IMMT: variants seen among roughly 807,000 people sequenced by gnomAD.
IMMT encodes the protein inner membrane mitochondrial protein, also known as MICOS complex subunit MIC60.
In IMMT, 40 loss-of-function variants were observed where a neutral mutation model predicts 92.7. That is an observed-to-expected ratio of 0.43 (90% CI 0.34 to 0.56). IMMT has a LOEUF of 0.56. Ranked by LOEUF, IMMT falls within the 20% of genes least tolerant of loss-of-function variation. IMMT has a pLI of 0.03. For synonymous variants in IMMT, 322 were observed against 336.1 expected, an observed-to-expected ratio of 0.96 and a Z score of 0.46; for missense variants, 831 against 912.1, an observed-to-expected ratio of 0.91 and a Z score of 1.14.
intron 10 of IMMT, among the ~76,000 whole-genome samples, chr2:86,156,030 A>C (rs1014679117): frequency 1.3e-4 from 20 of 152,212 alleles, no homozygotes; most frequent in Non-Finnish European, 2.4e-4. Flanking sequence ...AGATTGCTTC[A>C]CAAGGGACCT....
intron 9 of IMMT, chr2:86,159,230 C>T (rs1044608557): frequency 2.0e-4 from 74 of 378,180 alleles, no homozygotes; most frequent in Non-Finnish European, 3.5e-4. Flanking sequence ...GGACTACAGG[C>T]GCACACCACC....
At chr2:86,149,599 C>CG (rs1266787134) in intron 12 of IMMT, among the ~76,000 whole-genome samples, 1 of 152,088 alleles carries the variant, frequency 6.6e-6, no homozygotes, top group African/African-American at 2.4e-5. Context: ...TGGGGAAGGC[C>CG]GGGCATGGTA....
intron 1 of IMMT, among the ~76,000 whole-genome samples, chr2:86,183,907 T>C (rs1198471113): frequency 2.0e-5 from 3 of 152,222 alleles, no homozygotes; most frequent in African/African-American, 4.8e-5. Context: ...CCAGCCCCTA[T>C]TGAGGGACAC....
intron 6 of IMMT, among the ~76,000 whole-genome samples, chr2:86,167,333 A>G (rs1300669508): frequency 1.3e-5 from 2 of 148,806 alleles, no homozygotes; most frequent in Non-Finnish European, 1.5e-5. Flanking sequence ...CACCACGCCC[A>G]GCTAATTTTT....
At chr2:86,158,828 T>C in intron 9 of IMMT, 107 bp from the exon 10 acceptor site, 1 of 928,576 alleles carries the variant, frequency 1.1e-6, no homozygotes, top group South Asian at 1.7e-5. Context: ...GTTGGAAATG[T>C]GTAAGGAAAT....
rs531352460 is a variant in IMMT, at chr2:86,183,876, T to G, written c.46-2504A>C. 5.9e-5 allele frequency among the ~76,000 whole-genome samples: 9 copies of G among 152,348 alleles called. No homozygotes were observed. In the South Asian group the frequency reaches 8.3e-4, roughly 14 times the overall value. On this transcript the variant is annotated intron_variant, in intron 1 of 14. Coordinates refer to ENST00000410111, the MANE Select transcript of IMMT (RefSeq NM_006839.3). ...ATTTCATGATTTGGTATTCCATTGT[T>G]ACTTAATGTTTAATTGTTAACCAGC...
At chr2:86,155,366 C>T (rs1276053520) in intron 10 of IMMT, among the ~76,000 whole-genome samples, 1 of 67,192 alleles carries the variant, frequency 1.5e-5, no homozygotes, top group African/African-American at 6.4e-5. Flanking sequence ...TGATACAAAT[C>T]ATTTAGGCAG....
intron 1 of IMMT, among the ~76,000 whole-genome samples, chr2:86,186,038 T>G (rs1268960699): frequency 6.6e-6 from 1 of 152,224 alleles, no homozygotes; most frequent in Non-Finnish European, 1.5e-5. Context: ...CTAGAGTGAT[T>G]ATCCTGTGTC....
chr2:86,185,074 G>C (rs997552825), intron 1 of IMMT, among the ~76,000 whole-genome samples: 5 of 152,010 alleles, frequency 3.3e-5, no homozygotes, highest in Admixed American at 3.3e-4. Context: ...TGTAGTCCCA[G>C]CTACTCGGGA....
rs1675451019 is a variant in IMMT, at chr2:86,151,236, C to G, written c.1401+61G>C. 4 of 1,381,152 alleles carry G rather than the reference C, an allele frequency of 2.9e-6. No homozygotes were observed. The African/African-American group carries it at 4.3e-5, about 15-fold the overall frequency. The allele number at this position is 1,381,152 out of a possible 1,614,324, so 85.6% of individuals were successfully genotyped here. A position where few individuals can be genotyped will look rare whatever the true frequency, so the allele number is the denominator to read the frequency against. On this transcript the variant is annotated intron_variant, in intron 12 of 14. Transcript: ENST00000410111. ...CCCGGCTGAGCCAGTATTATTTCTA[C>G]AAGTAAACAATCAAGTTAGAGTCAC... is the stretch of plus-strand genomic sequence containing the variant.
intron 13 of IMMT, among the ~76,000 whole-genome samples, chr2:86,146,844 T>C (rs1675055521): frequency 1.3e-5 from 2 of 152,158 alleles, no homozygotes; most frequent in Non-Finnish European, 2.9e-5. Flanking sequence ...CACTGCAACC[T>C]CCACCTCCCA....
In IMMT at chr2:86,179,450, G is replaced by C. The variant is rs1483544785; in HGVS notation, c.292C>G (p.Pro98Ala). Residue 98 changes from proline (P) to alanine (A), a missense_variant, in exon 3 of 15, where the codon CCA becomes GCA. Physicochemically the swap from Pro to Ala is conservative, Grantham distance 27 (BLOSUM62 -1). Transcript: ENST00000410111. ...MVLGPAAYNV[P>A]LPKKSIQSGP... The stretch of plus-strand genomic sequence containing the variant: ...ACTCTTACCGATTTCTTTGGCAATG[G>C]AACATTATAAGCTGCAGGACCAAGA... 2.5e-6 allele frequency: 4 copies of C among 1,591,816 alleles called. No individual in the cohort carries two copies. In the South Asian group the frequency reaches 3.5e-5, roughly 14 times the overall value.
intron 10 of IMMT, among the ~76,000 whole-genome samples, chr2:86,156,852 G>A (rs752686596): frequency 5.3e-5 from 8 of 152,044 alleles, no homozygotes; most frequent in Non-Finnish European, 1.2e-4. Context: ...TCAAATTTAT[G>A]CCAAGGAGCT....
chr2:86,182,706 T>A lies in IMMT; in HGVS notation c.46-1334A>T, dbSNP rs372461852. Among the ~76,000 whole-genome samples, 15 of 151,994 alleles carry A rather than the reference T, an allele frequency of 9.9e-5. No individual in the cohort carries two copies. The East Asian group carries it at 1.9e-3, about 20-fold the overall frequency. ...CTACAAATACAAAAATTAGCCAGGT[T>A]TGGTGGCATGTGCCTATAGTCCCAG... On this transcript the variant is annotated intron_variant, in intron 1 of 14. Coordinates refer to ENST00000410111, the MANE Select transcript of IMMT (RefSeq NM_006839.3).
rs1223804917 is a variant in IMMT at position 86,170,753 on chromosome 2, A to G, written c.651T>C (p.Ile217=). The G allele has an allele frequency of 3.2e-6, 5 of 1,572,156 alleles. No homozygotes were observed. The African/African-American group carries it at 6.7e-5, about 21-fold the overall frequency. The change falls in exon 6 of 15, where the codon ATT becomes ATC. Residue 217 remains isoleucine, a synonymous_variant. Coordinates refer to ENST00000410111, the MANE Select transcript of IMMT (RefSeq NM_006839.3). ...GAAGCTGTCTGGTTTACATACACTCAATTTTAACTTGTTCTTGTTTTTCCT... is the reference window on the plus strand; with the variant it reads ...GAAGCTGTCTGGTTTACATACACTCGATTTTAACTTGTTCTTGTTTTTCCT... ...AQQEKQEQVK[I]ESLAKSLEDA...
At chr2:86,163,961 A>G (rs1334931424) in intron 7 of IMMT, among the ~76,000 whole-genome samples, 1 of 151,094 alleles carries the variant, frequency 6.6e-6, no homozygotes, top group African/African-American at 2.4e-5. Context: ...TCCATCTCCA[A>G]AAAAAAAGAA....
At chr2:86,184,945 T>C (rs746195002) in intron 1 of IMMT, among the ~76,000 whole-genome samples, 1 of 152,050 alleles carries the variant, frequency 6.6e-6, no homozygotes, top group African/African-American at 2.4e-5. Flanking sequence ...TCCCAGCACT[T>C]TGGGAGGCCG....
chr2:86,161,495 C>T (rs528203111), intron 8 of IMMT, among the ~76,000 whole-genome samples: 1 of 145,358 alleles, frequency 6.9e-6, no homozygotes, highest in Non-Finnish European at 1.5e-5. Flanking sequence ...TCTCTTTTTA[C>T]ACCTTTGTAC....
At position 86,146,160 on chromosome 2, in the gene IMMT, A is replaced by T. The variant is rs752692441; in HGVS notation, c.1571T>A (p.Phe524Tyr). Residue 524 changes from phenylalanine to tyrosine, a missense_variant, in exon 14 of 15, where the codon TTT (phenylalanine) becomes TAT (tyrosine). Transcript: ENST00000410111. ...SEKLSEQELQ[F>Y]RRLSQEQVDN... ...AACTTGCTCTTGACTGAGACGACGAAATTGTAATTCTTGTTCAGAGAGTTT... is the reference window on the plus strand; with the variant it reads ...AACTTGCTCTTGACTGAGACGACGATATTGTAATTCTTGTTCAGAGAGTTT... The T allele has an allele frequency of 1.2e-6, 2 of 1,610,440 alleles. No homozygotes were observed. Among genetic ancestry groups the T allele is most frequent in the East Asian group, 4.5e-5 (2 of 44,824 alleles).
Sources: gnomAD v4.1 joint callset for allele counts (sites outside exome capture counted in the v4.1 genomes callset) on GRCh38, gnomAD v4.1.1 for gene constraint, MANE v1.5 for transcripts, NCBI Gene and HGNC (gene_info 2026-07-23, HGNC 2026-07-21) for gene names.